Variants in SOHLH1 observed in about 807,000 individuals in gnomAD.
SOHLH1 encodes the protein spermatogenesis and oogenesis specific basic helix-loop-helix 1.
SOHLH1 carries 23 observed loss-of-function variants against 36.2 expected under a neutral mutation model. The ratio of observed to expected loss-of-function variants is 0.64; its 90% CI spans 0.46 to 0.90. The LOEUF is 0.90. Among genes scored for constraint, SOHLH1 ranks in the 40% least tolerant of loss-of-function variants. SOHLH1 has a pLI of 0.00. For synonymous variants in SOHLH1, 289 were observed against 228.3 expected, an observed-to-expected ratio of 1.27 and a Z score of -2.40; for missense variants, 608 against 517.0, an observed-to-expected ratio of 1.18 and a Z score of -1.71.
rs538425165 is a variant in SOHLH1, at chr9:135,698,819, G to A, written c.197+176C>T. Among the ~76,000 whole-genome samples the A allele has an allele frequency of 2.0e-5, 3 of 152,342 alleles. No homozygotes were observed. In the South Asian group the frequency reaches 6.2e-4, roughly 32 times the overall value. Reference sequence around the variant, plus strand: ...GGCTTCAGGATAAAGAGGGGCTGCAGGATGTTCCCCAACAGGGCTTTTCTG... The same window carrying A: ...GGCTTCAGGATAAAGAGGGGCTGCAAGATGTTCCCCAACAGGGCTTTTCTG... On this transcript the variant is annotated intron_variant, in intron 2 of 7. Transcript: ENST00000425225.
At chr9:135,698,964 G>A (rs775850624) in intron 2 of SOHLH1, 31 bp downstream of exon 2, 12 of 1,610,886 alleles carry the variant, frequency 7.4e-6, no homozygotes, top group Admixed American at 1.7e-5. Context: ...CCTTTACAGC[G>A]CCCTCACCCC....
chr9:135,697,330 A>G (rs557168023), intron 4 of SOHLH1, among the ~76,000 whole-genome samples, 176 bp downstream of exon 4: 1 of 152,142 alleles, frequency 6.6e-6, no homozygotes, highest in East Asian at 1.9e-4. Flanking sequence ...GAGCTCGCCC[A>G]TGTTGGTCAC....
upstream of SOHLH1, among the ~76,000 whole-genome samples, chr9:135,700,849 G>A (rs1405418992): frequency 6.6e-6 from 1 of 152,180 alleles, no homozygotes; most frequent in Non-Finnish European, 1.5e-5. Flanking sequence ...GCCAGGGAGG[G>A]ATGGACGGGC....
chr9:135,696,848 G>GC, intron 4 of SOHLH1, 43 bp from the exon 5 acceptor site: 2 of 1,604,738 alleles, frequency 1.2e-6, no homozygotes, highest in Non-Finnish European at 1.7e-6. Context: ...CTATTCCCCA[G>GC]CCCCCTGGAA....
chr9:135,697,055 CAG>C (rs1834830639), intron 4 of SOHLH1, among the ~76,000 whole-genome samples: 2 of 152,226 alleles, frequency 1.3e-5, no homozygotes, highest in Non-Finnish European at 2.9e-5. Context: ...TCCCATGCCC[CAG>C]CCTGCTTTGG....
At position 135,696,595 on chromosome 9, in the gene SOHLH1, G is replaced by A; in HGVS notation, c.661+17C>T. On this transcript the variant is annotated intron_variant, in intron 5 of 7. Transcript: ENST00000425225. Reference sequence around the variant, plus strand: ...TCCCCAGGCCAAAGGCACCCCACATGCACACCCAGGACTCACCTGAGAAAG... The same window carrying A: ...TCCCCAGGCCAAAGGCACCCCACATACACACCCAGGACTCACCTGAGAAAG... 1 of 1,611,324 alleles carries A rather than the reference G, an allele frequency of 6.2e-7. No individual in the cohort carries two copies.
intron 7 of SOHLH1, 81 bp downstream of exon 7, chr9:135,694,306 G>A (rs750636166): frequency 7.5e-6 from 12 of 1,606,380 alleles, no homozygotes; most frequent in East Asian, 2.2e-5. Context: ...CCTGACACAC[G>A]CTAGGCCTGA....
In SOHLH1 at chr9:135,699,098, A is replaced by T. The variant is rs1564301716; in HGVS notation, c.94T>A (p.Cys32Ser). 6.2e-7 allele frequency: 1 copy of T among 1,608,134 alleles called. No individual in the cohort carries two copies. ...NGSLSGALSC[C>S]EDSARGSGPP... ...CCCGAGCCCCGGGCCGAGTCCTCGC[A>T]GCAGGAGAGGGCACCAGACAGGGAG... The change falls in exon 2 of 8, where the codon TGC becomes AGC. Residue 32 changes from cysteine to serine, a missense_variant. Coordinates refer to ENST00000425225, the MANE Select transcript of SOHLH1 (RefSeq NM_001101677.2).
Position 135,698,466 on chromosome 9 carries a change from A to T in SOHLH1, c.208T>A (p.Ser70Thr). ...GCCCGCAGACGCTCACAGCTCAACG[A>T]CATCCGCTTCCTGGTTCCGGTCAAG... ...ISERERRKRM[S>T]LSCERLRALL... is the part of the protein sequence containing the mutation. The change falls in exon 3 of 8, where the codon TCG (serine) becomes ACG (threonine). Residue 70 changes from serine (S) to threonine (T), a missense_variant. By Grantham distance (58) the Ser-to-Thr change is moderately conservative. Coordinates refer to ENST00000425225, the MANE Select transcript of SOHLH1 (RefSeq NM_001101677.2). The T allele has an allele frequency of 6.2e-7, 1 of 1,613,134 alleles. No homozygotes were observed. The highest frequency in any genetic ancestry group is 1.1e-5 in the South Asian group (1 of 91,084).
At chr9:135,695,769 C>T (rs1236818643) in intron 5 of SOHLH1, among the ~76,000 whole-genome samples, 1 of 152,118 alleles carries the variant, frequency 6.6e-6, no homozygotes, top group African/African-American at 2.4e-5. Context: ...ACAGCAGGGG[C>T]CGAGGGGAGT....
chr9:135,695,351 A>C, intron 5 of SOHLH1, 88 bp from the exon 6 acceptor site: 7 of 1,258,040 alleles, frequency 5.6e-6, no homozygotes, highest in Non-Finnish European at 7.9e-6. Flanking sequence ...GGCTCGGTCC[A>C]CTCACACTGA....
chr9:135,699,203 C>T (rs1335750154), intron 1 of SOHLH1, 77 bp from the exon 2 acceptor site: 69 of 1,545,072 alleles, frequency 4.5e-5, no homozygotes, highest in East Asian at 4.9e-5. Flanking sequence ...CCAGAATGGG[C>T]GTCTTTGGGG....
Position 135,698,625 on chromosome 9 carries a change from G to A in SOHLH1, c.198-149C>T, listed in dbSNP as rs1834905829. The A allele has an allele frequency of 3.4e-6, 4 of 1,188,674 alleles. No individual in the cohort carries two copies. The South Asian group carries it at 4.1e-5, about 12-fold the overall frequency. 73.6% of individuals were successfully genotyped at this position (1,188,674 alleles called of 1,614,324 possible). ...CTCAGAGCTGCCCCCGTGGTCTGAA[G>A]CCCCGAGATCCACATCAGAGCACAG... On this transcript the variant is annotated intron_variant, in intron 2 of 7. Transcript: ENST00000425225.
At position 135,698,321 on chromosome 9, in the gene SOHLH1, C is replaced by T; in HGVS notation, c.345+8G>A. The T allele has an allele frequency of 6.2e-7, 1 of 1,612,986 alleles. No homozygotes were observed. Among genetic ancestry groups the T allele is most frequent in the African/African-American group, 1.3e-5 (1 of 75,040 alleles). The stretch of plus-strand genomic sequence containing the variant: ...GGAGGACTGACGGCGTCTACCCTTA[C>T]AACTCACAGCGTGCTGCTCCTGACT... On this transcript the variant is annotated splice_region_variant and intron_variant, in intron 3 of 7. Transcript: ENST00000425225.
intron 5 of SOHLH1, among the ~76,000 whole-genome samples, chr9:135,696,242 G>A (rs4989106): frequency 9.8e-6 from 1 of 102,266 alleles, no homozygotes; most frequent in South Asian, 3.6e-4. Context: ...ACGTCCCCAT[G>A]CTTCCCAGCA....
At chr9:135,696,463 C>T in intron 5 of SOHLH1, 149 bp downstream of exon 5, 4 of 883,788 alleles carry the variant, frequency 4.5e-6, no homozygotes, top group Non-Finnish European at 6.9e-6. Flanking sequence ...TCAAGCTCAT[C>T]CCTCAACACG....
upstream of SOHLH1, among the ~76,000 whole-genome samples, chr9:135,701,963 C>T (rs931184665): frequency 5.3e-5 from 8 of 152,090 alleles, no homozygotes; most frequent in African/African-American, 1.7e-4. Flanking sequence ...CTTTTCTAGC[C>T]ATTGACGAAC....
At chr9:135,695,869 G>T (rs183000252) in intron 5 of SOHLH1, among the ~76,000 whole-genome samples, 1 of 152,212 alleles carries the variant, frequency 6.6e-6, no homozygotes, top group Non-Finnish European at 1.5e-5. Flanking sequence ...CCGGGTGGCA[G>T]AGGGAACAGC....
Position 135,697,599 on chromosome 9 carries a change from T to G in SOHLH1, c.374A>C (p.His125Pro), listed in dbSNP as rs780410006. ...AILASSKEMW[H>P]SLQEDVLQLT... ...CTGTAAAACATCCTCCTGCAACGAG[T>G]GCCACATTTCCTTGGAGGAAGCAAG... Residue 125 changes from histidine to proline, a missense_variant, in exon 4 of 8, where the codon CAC (histidine) becomes CCC (proline). Transcript: ENST00000425225. 5.6e-6 allele frequency: 9 copies of G among 1,612,236 alleles called. No homozygotes were observed. The East Asian group carries it at 1.8e-4, about 32-fold the overall frequency.
Sources: gnomAD v4.1 joint callset for allele counts (sites outside exome capture counted in the v4.1 genomes callset) on GRCh38, gnomAD v4.1.1 for gene constraint, MANE v1.5 for transcripts, NCBI Gene and HGNC (gene_info 2026-07-23, HGNC 2026-07-21) for gene names.